CERS1: variants seen among roughly 807,000 people sequenced by gnomAD.
The protein encoded by CERS1 is ceramide synthase 1, also known as Embryonic growth/differentiation factor 1.
Under a neutral mutation model 35.7 loss-of-function variants are expected in CERS1, and 16 were observed. The ratio of observed to expected loss-of-function variants is 0.45; its 90% CI spans 0.30 to 0.68. CERS1 has a LOEUF of 0.68. CERS1 is among the 30% of genes least tolerant of loss of function. The probability of loss-of-function intolerance (pLI) is 0.08; values close to 1 mark genes in which losing one functional copy is unlikely to be tolerated. For missense variants in CERS1, 454 were observed against 453.9 expected (o/e 1.00, Z 0.00); for synonymous variants, 243 against 201.6 (o/e 1.21, Z -1.74).
chr19:18,888,519 T>TAAAAA (rs781426705), intron 2 of CERS1, among the ~76,000 whole-genome samples: 7 of 59,050 alleles, frequency 1.2e-4, no homozygotes, highest in African/African-American at 4.5e-4. Context: ...CCCTGTCTCT[T>TAAAAA]AAAAAAAAAA....
intron 2 of CERS1, among the ~76,000 whole-genome samples, chr19:18,892,904 C>T (rs73003017): frequency 0.072 from 11,002 of 152,116 alleles, 536 homozygotes; most frequent in Non-Finnish European, 0.11. Flanking sequence ...TAAGCATCCC[C>T]TTACACTGTT....
chr19:18,893,388 C>T (rs2056543493), intron 2 of CERS1, 28 bp downstream of exon 2: 4 of 1,583,208 alleles, frequency 2.5e-6, no homozygotes, highest in Non-Finnish European at 2.6e-6. Context: ...AAGCAGAGCC[C>T]TCCCGGCCAT....
chr19:18,876,332 CTTT>C (rs1330248523), intron 6 of CERS1, among the ~76,000 whole-genome samples: 2 of 151,480 alleles, frequency 1.3e-5, no homozygotes, highest in East Asian at 4.0e-4. Flanking sequence ...TTAAAATAAA[CTTT>C]TTTGTTTGTT....
At chr19:18,891,100 G>A (rs2056479320) in intron 2 of CERS1, among the ~76,000 whole-genome samples, 1 of 151,846 alleles carries the variant, frequency 6.6e-6, no homozygotes, top group Non-Finnish European at 1.5e-5. Flanking sequence ...CTCCAGACTG[G>A]GTGACAGAGT....
At position 18,893,864 on chromosome 19, in the gene CERS1, G is replaced by A. The variant is rs975544672; in HGVS notation, c.250-289C>T. Among the ~76,000 whole-genome samples the A allele has an allele frequency of 8.6e-5, 13 of 152,014 alleles. No homozygotes were observed. The South Asian group carries it at 1.7e-3, about 19-fold the overall frequency. On this transcript the variant is annotated intron_variant, in intron 1 of 7. Coordinates refer to ENST00000623882, the MANE Select transcript of CERS1 (RefSeq NM_021267.5). The stretch of plus-strand genomic sequence containing the variant: ...CCAGAAGGGGGACACTTGGGCTTAC[G>A]ATGAGGGAGACGGATGGATGCGTCA...
chr19:18,872,145 A>G (rs2055981541), intron 6 of CERS1, among the ~76,000 whole-genome samples: 1 of 152,192 alleles, frequency 6.6e-6, no homozygotes, highest in Admixed American at 6.5e-5. Context: ...CTCTAATGGT[A>G]AAGTTTAGCA....
intron 2 of CERS1, among the ~76,000 whole-genome samples, chr19:18,884,489 G>A (rs1253333472): frequency 6.6e-6 from 1 of 151,142 alleles, no homozygotes; most frequent in Admixed American, 6.6e-5. Context: ...CATGATCTCA[G>A]CTCCACATCC....
intron 6 of CERS1, among the ~76,000 whole-genome samples, chr19:18,875,432 A>C (rs1257565897): frequency 1.3e-5 from 2 of 151,688 alleles, no homozygotes; most frequent in Non-Finnish European, 1.5e-5. Context: ...AGTCCCAGCT[A>C]CTCAGGAGGC....
At chr19:18,890,783 G>GGAA (rs1555706591) in intron 2 of CERS1, among the ~76,000 whole-genome samples, 3 of 99,766 alleles carry the variant, frequency 3.0e-5, no homozygotes, top group Non-Finnish European at 5.7e-5. Flanking sequence ...CGCGTCTGGG[G>GGAA]AAAAAAAAAA....
At chr19:18,888,877 A>ATTTC (rs1454129167) in intron 2 of CERS1, among the ~76,000 whole-genome samples, 42 of 146,210 alleles carry the variant, frequency 2.9e-4, no homozygotes, top group African/African-American at 3.8e-4. Flanking sequence ...CTATTCCAGA[A>ATTTC]TTTCTTTCTT....
chr19:18,891,694 C>T (rs1376101834), intron 2 of CERS1, among the ~76,000 whole-genome samples: 2 of 152,012 alleles, frequency 1.3e-5, no homozygotes, highest in African/African-American at 4.8e-5. Context: ...TCTCCCACCT[C>T]AGCCTCCCAA....
At position 18,895,042 on chromosome 19, in the gene CERS1, G is replaced by A. The variant is rs1166552400; in HGVS notation, c.249+782C>T. Among the ~76,000 whole-genome samples, 1 of 152,224 alleles carries A rather than the reference G, an allele frequency of 6.6e-6. No individual in the cohort carries two copies. The highest frequency in any genetic ancestry group is 2.4e-5 in the African/African-American group (1 of 41,464). On this transcript the variant is annotated intron_variant, in intron 1 of 7. Transcript: ENST00000623882. The surrounding 1 kb of genome is among the most constrained non-coding windows in gnomAD (Gnocchi z 6.4). ...ACCATCATGGTCACTCTCTCGCAGG[G>A]GCGATGGTCTCCGCAGAAACTGGGG... is the stretch of plus-strand genomic sequence containing the variant.
rs2055952734 is a variant in CERS1, at chr19:18,870,684, G to A, written c.1011-65C>T. ...ACGCGGCCGCCTGGCCCTCTTTCCCGCTTCTTCTCTGGCCGTTTCACACCC... is the reference window on the plus strand; with the variant it reads ...ACGCGGCCGCCTGGCCCTCTTTCCCACTTCTTCTCTGGCCGTTTCACACCC... On this transcript the variant is annotated intron_variant, in intron 6 of 7. Transcript: ENST00000623882. This position sits in a 1 kb window ranked among gnomAD's most constrained non-coding sequence, Gnocchi z 5.1. 3.9e-6 allele frequency: 2 copies of A among 507,660 alleles called. No individual in the cohort carries two copies. The highest frequency in any genetic ancestry group is 7.1e-6 in the Non-Finnish European group (2 of 280,330). The allele number at this position is 507,660 out of a possible 1,614,324, so 31.4% of individuals were successfully genotyped here.
intron 2 of CERS1, among the ~76,000 whole-genome samples, chr19:18,888,636 G>T (rs2056419658): frequency 6.7e-6 from 1 of 150,204 alleles, no homozygotes; most frequent in African/African-American, 2.5e-5. Flanking sequence ...TTCAAGACCA[G>T]CCTGACCAAC....
At chr19:18,889,047 A>C (rs928307960) in intron 2 of CERS1, among the ~76,000 whole-genome samples, 1 of 151,516 alleles carries the variant, frequency 6.6e-6, no homozygotes, top group African/African-American at 2.4e-5. Flanking sequence ...ATGCATCCCC[A>C]CGCCTGGCTA....
intron 2 of CERS1, among the ~76,000 whole-genome samples, chr19:18,892,968 G>A (rs2056529610): frequency 6.6e-6 from 1 of 152,022 alleles, no homozygotes; most frequent in Non-Finnish European, 1.5e-5. Context: ...CCAGGCTGGA[G>A]TGCAGTGGCG....
chr19:18,886,546 C>T (rs985113798), intron 2 of CERS1, among the ~76,000 whole-genome samples: 74 of 152,200 alleles, frequency 4.9e-4, no homozygotes, highest in African/African-American at 1.7e-3. Flanking sequence ...CACAGCCAGA[C>T]CCTGTCTCAA....
At chr19:18,882,553 C>T (rs763230313) in intron 3 of CERS1, among the ~76,000 whole-genome samples, 6 of 151,754 alleles carry the variant, frequency 4.0e-5, no homozygotes, top group Non-Finnish European at 8.8e-5. Flanking sequence ...GGGAGGATTG[C>T]TTGAACCTGG....
At chr19:18,872,254 C>T (rs1010584735) in intron 6 of CERS1, among the ~76,000 whole-genome samples, 1 of 152,246 alleles carries the variant, frequency 6.6e-6, no homozygotes, top group Non-Finnish European at 1.5e-5. Context: ...TGTTCTCTAC[C>T]CACTCAGAAA....
Sources: gnomAD v4.1 joint callset for allele counts (sites outside exome capture counted in the v4.1 genomes callset) on GRCh38, gnomAD v4.1.1 for gene constraint, Gnocchi (gnomAD v3.1) non-coding constraint, MANE v1.5 for transcripts, NCBI Gene and HGNC (gene_info 2026-07-23, HGNC 2026-07-21) for gene names.